The following CEP44 variants were observed in gnomAD, a reference collection of about 807,000 sequenced individuals.
CEP44 encodes the protein centrosomal protein 44, also known as centrosomal protein of 44 kDa.
Under a neutral mutation model 46.7 loss-of-function variants are expected in CEP44, and 45 were observed. That is an observed-to-expected ratio of 0.96 (90% CI 0.76 to 1.24). The LOEUF (loss-of-function observed/expected upper bound fraction) is 1.24. Ranked by LOEUF, CEP44 falls within the 50% of genes most tolerant of loss-of-function variation. The pLI, the probability that CEP44 is intolerant of heterozygous loss-of-function variation, is 0.00. For missense variants in CEP44, 475 were observed against 459.7 expected (o/e 1.03, Z -0.30); for synonymous variants, 142 against 146.0 (o/e 0.97, Z 0.20).
intron 6 of CEP44, among the ~76,000 whole-genome samples, chr4:174,305,789 C>T (rs1331317930): frequency 6.6e-6 from 1 of 152,162 alleles, no homozygotes; most frequent in Non-Finnish European, 1.5e-5. Flanking sequence ...GGATTAGGAA[C>T]ACTGTGAGCA....
chr4:174,320,001 T>G lies in CEP44; in HGVS notation c.*2618T>G. ...CATAACCCTAAGTTAAGTAAAATTT[T>G]CACTTTCATTCTTTTCATTCTCTCA... is the stretch of plus-strand genomic sequence containing the variant. On this transcript the variant is annotated 3_prime_UTR_variant, in exon 12 of 12. Transcript: ENST00000503780. 1 of 985,354 alleles carries G rather than the reference T, an allele frequency of 1.0e-6. No homozygotes were observed. The highest frequency in any genetic ancestry group is 1.2e-6 in the Non-Finnish European group (1 of 829,868). The allele number at this position is 985,354 out of a possible 1,614,324, so 61.0% of individuals were successfully genotyped here.
rs1454558208 is a variant in CEP44 at position 174,286,902 on chromosome 4, G to T, written c.-148+2959G>T. Among the ~76,000 whole-genome samples the T allele has an allele frequency of 6.6e-6, 1 of 152,186 alleles. No homozygotes were observed. Among genetic ancestry groups the T allele is most frequent in the Non-Finnish European group, 1.5e-5 (1 of 68,024 alleles). On this transcript the variant is annotated intron_variant, in intron 1 of 11. Transcript: ENST00000503780. The surrounding 1 kb of genome is among the most constrained non-coding windows in gnomAD (Gnocchi z 5.2). ...TAGGCCCCATGTATGTCAGCTTTTA[G>T]TAGGTATCACCAGTAAGTTTTCCAA...
In CEP44 at chr4:174,319,617, ATAAG is replaced by A; in HGVS notation, c.*2241_*2244del. 1.5e-6 allele frequency: 1 copy of A among 659,008 alleles called. No homozygotes were observed. Among genetic ancestry groups the A allele is most frequent in the Non-Finnish European group, 1.9e-6 (1 of 531,676 alleles). The allele number at this position is 659,008 out of a possible 1,614,324, so 40.8% of individuals were successfully genotyped here. On this transcript the variant is annotated 3_prime_UTR_variant, in exon 12 of 12. Transcript: ENST00000503780. ...CTAGTTTATATACAGTGTGCAAAAT[ATAAG>A]TAAGTATATATTGAAAATATAAAAT...
intron 6 of CEP44, 92 bp from the exon 7 acceptor site, chr4:174,308,597 C>A: frequency 8.1e-7 from 1 of 1,238,010 alleles, no homozygotes. Flanking sequence ...TGTAACAAAC[C>A]TGCACATGGA....
Position 174,301,917 on chromosome 4 carries a change from A to C in CEP44, c.90-122A>C. The C allele has an allele frequency of 3.7e-6, 3 of 811,596 alleles. No homozygotes were observed. Among genetic ancestry groups the C allele is most frequent in the Non-Finnish European group, 5.6e-6 (3 of 536,218 alleles). 50.3% of individuals were successfully genotyped at this position (811,596 alleles called of 1,614,324 possible). A position where few individuals can be genotyped will look rare whatever the true frequency, so the allele number is the denominator to read the frequency against. On this transcript the variant is annotated intron_variant, in intron 3 of 11. Coordinates refer to ENST00000503780, the MANE Select transcript of CEP44 (RefSeq NM_001040157.3). The surrounding 1 kb of genome is among the most constrained non-coding windows in gnomAD (Gnocchi z 4.3). ...AAGTCTCATGTATCACCTAATTATT[A>C]TAGCTATAGTGTTAAGTTTTAAATT...
rs1411971100 is a variant in CEP44, at chr4:174,325,821, A to C, written c.1087-5661A>C. 6.6e-6 allele frequency among the ~76,000 whole-genome samples: 1 copy of C among 152,164 alleles called. No individual in the cohort carries two copies. On this transcript the variant is annotated intron_variant, in intron 8 of 8. Transcript: ENST00000426172. This position sits in a 1 kb window ranked among gnomAD's most constrained non-coding sequence, Gnocchi z 4.4. Reference sequence around the variant, plus strand: ...TTCATGATAAAGAGACTTATTTCTTATTATGAGTTGGCCCTCTTTATCTCT... The same window carrying C: ...TTCATGATAAAGAGACTTATTTCTTCTTATGAGTTGGCCCTCTTTATCTCT...
rs948197959 is a variant in CEP44, at chr4:174,320,324, C to T, written c.*2941C>T. ...ATATTTTAAAAATAAAACTTGAAAA[C>T]GTTGGGACTTTGTTTCATGCCATTC... On this transcript the variant is annotated 3_prime_UTR_variant, in exon 12 of 12. Transcript: ENST00000503780. 19 of 975,084 alleles carry T rather than the reference C, an allele frequency of 1.9e-5. No individual in the cohort carries two copies. Among genetic ancestry groups the T allele is most frequent in the African/African-American group, 7.0e-5 (4 of 56,812 alleles). 60.4% of individuals were successfully genotyped at this position (975,084 alleles called of 1,614,324 possible).
chr4:174,308,569 A>G (rs1740707956), intron 6 of CEP44, 120 bp from the exon 7 acceptor site: 5 of 891,368 alleles, frequency 5.6e-6, no homozygotes, highest in South Asian at 3.6e-5. Flanking sequence ...ACAAACCCCC[A>G]TGGCACACAT....
chr4:174,299,136 C>T lies in CEP44; in HGVS notation c.15C>T (p.Asp5=), dbSNP rs571940664. The stretch of plus-strand genomic sequence containing the variant: ...GATGTTAAGTAATGGCAACAGGTGA[C>T]TTAAAAAGAAGCTTACGGAACCTAG... The part of the protein sequence containing the change: MATG[D]LKRSLRNLEQ... Residue 5 remains aspartate, a synonymous_variant, in exon 3 of 12, where the codon GAC becomes GAT. Coordinates refer to ENST00000503780, the MANE Select transcript of CEP44 (RefSeq NM_001040157.3). 8.7e-6 allele frequency: 14 copies of T among 1,613,072 alleles called. No homozygotes were observed. In the East Asian group the frequency reaches 3.1e-4, roughly 36 times the overall value.
intron 6 of CEP44, among the ~76,000 whole-genome samples, chr4:174,306,520 C>A: frequency 6.6e-6 from 1 of 151,932 alleles, no homozygotes; most frequent in East Asian, 1.9e-4. Context: ...AATATTTCAG[C>A]GCTTGTCCTA....
At position 174,331,586 on chromosome 4, in the gene CEP44, C is replaced by A; in HGVS notation, c.1191C>A (p.Ser397=). ...CACAGAGCTTTGCTTGGCCTCTCTC[C>A]TGTGTGTAATCTCTGTTTCTTGGAT... is the stretch of plus-strand genomic sequence containing the variant. The change falls in exon 9 of 9, where the codon TCC becomes TCA. Residue 397 remains serine, a synonymous_variant. Coordinates refer to the CEP44 transcript ENST00000426172. The surrounding 1 kb of genome is among the most constrained non-coding windows in gnomAD (Gnocchi z 4.5). 6.4e-7 allele frequency: 1 copy of A among 1,551,332 alleles called. No homozygotes were observed. Among genetic ancestry groups the A allele is most frequent in the Non-Finnish European group, 8.7e-7 (1 of 1,146,782 alleles).
chr4:174,308,262 G>A (rs1022922224), intron 6 of CEP44, among the ~76,000 whole-genome samples: 2 of 152,198 alleles, frequency 1.3e-5, no homozygotes, highest in African/African-American at 4.8e-5. Flanking sequence ...TAAAGAAGAT[G>A]TGGTACATAC....
intron 1 of CEP44, among the ~76,000 whole-genome samples, chr4:174,294,546 A>G (rs1170387487): frequency 2.0e-5 from 3 of 151,092 alleles, no homozygotes; most frequent in African/African-American, 2.4e-5. Context: ...CCCGTTCTCA[A>G]TGAGCTGTTG....
downstream of CEP44, among the ~76,000 whole-genome samples, chr4:174,322,966 G>A (rs1048558689): frequency 6.6e-6 from 1 of 151,864 alleles, no homozygotes; most frequent in Non-Finnish European, 1.5e-5. Context: ...CTAATAAAAA[G>A]GTGAGGAAAT....
chr4:174,323,886 A>G (rs1360036559), downstream of CEP44, among the ~76,000 whole-genome samples: 1 of 152,154 alleles, frequency 6.6e-6, no homozygotes, highest in African/African-American at 2.4e-5. Flanking sequence ...ACAAGCAACT[A>G]TTAATTACTA....
In CEP44 at chr4:174,319,610, G is replaced by A. The variant is rs1742112736; in HGVS notation, c.*2227G>A. ...TAATCTCCTAGTTTATATACAGTGT[G>A]CAAAATATAAGTAAGTATATATTGA... On this transcript the variant is annotated 3_prime_UTR_variant, in exon 12 of 12. Transcript: ENST00000503780. 1 of 675,008 alleles carries A rather than the reference G, an allele frequency of 1.5e-6. No homozygotes were observed. Among genetic ancestry groups the A allele is most frequent in the East Asian group, 1.3e-4 (1 of 7,448 alleles). The allele number at this position is 675,008 out of a possible 1,614,324, so 41.8% of individuals were successfully genotyped here.
chr4:174,333,200 G>A (rs190992741), exon 9 of CEP44: 6 of 150,650 alleles, frequency 4.0e-5, no homozygotes, highest in Non-Finnish European at 8.9e-5. Context: ...ATTAGAGAGC[G>A]TAAAAGGATG....
At position 174,286,951 on chromosome 4, in the gene CEP44, C is replaced by G. The variant is rs1397874677; in HGVS notation, c.-148+3008C>G. On this transcript the variant is annotated intron_variant, in intron 1 of 11. Transcript: ENST00000503780. The surrounding 1 kb of genome is among the most constrained non-coding windows in gnomAD (Gnocchi z 5.2). ...AAAATAATTGTACCATTTACTCTTT[C>G]TGTAAAAAGCATAGATATTTTGAAT... Among the ~76,000 whole-genome samples the G allele has an allele frequency of 6.6e-6, 1 of 152,160 alleles. No homozygotes were observed. The highest frequency in any genetic ancestry group is 2.4e-5 in the African/African-American group (1 of 41,440).
At chr4:174,317,182 G>C (rs1212005079) in intron 11 of CEP44, among the ~76,000 whole-genome samples, 153 bp from the exon 12 acceptor site, 1 of 151,752 alleles carries the variant, frequency 6.6e-6, no homozygotes, top group Non-Finnish European at 1.5e-5. Flanking sequence ...TCTTCCCTCT[G>C]GTCATACTTA....
Sources: gnomAD v4.1 joint callset for allele counts (sites outside exome capture counted in the v4.1 genomes callset) on GRCh38, gnomAD v4.1.1 for gene constraint, Gnocchi (gnomAD v3.1) non-coding constraint, MANE v1.5 for transcripts, NCBI Gene and HGNC (gene_info 2026-07-23, HGNC 2026-07-21) for gene names.